LPAR3: variants seen among roughly 807,000 people sequenced by gnomAD.
LPAR3 encodes LPA receptor 3.
LPAR3 carries 7 observed loss-of-function variants against 17.8 expected under a neutral mutation model. That is an observed-to-expected ratio of 0.39 (90% CI 0.22 to 0.74). The LOEUF is 0.74. LPAR3 is among the 30% of genes least tolerant of loss of function. LPAR3 has a pLI of 0.40. For synonymous variants in LPAR3, 179 were observed against 179.9 expected (o/e 0.99, Z 0.04); for missense variants, 391 against 453.4 (o/e 0.86, Z 1.25).
intron 1 of LPAR3, 125 bp from the exon 2 acceptor site, chr1:84,866,263 G>A (rs952462298): frequency 2.9e-6 from 2 of 690,458 alleles, no homozygotes; most frequent in East Asian, 2.6e-5. Flanking sequence ...GAAGTGTCAG[G>A]TCTCAGTGCA....
At chr1:84,861,096 T>C (rs1382489211) in intron 2 of LPAR3, among the ~76,000 whole-genome samples, 1 of 152,202 alleles carries the variant, frequency 6.6e-6, no homozygotes, top group African/African-American at 2.4e-5. Context: ...TAAATGGAAA[T>C]GTTTAGCATT....
At chr1:84,856,841 CATTTATAA>C (rs1016729658) in intron 2 of LPAR3, among the ~76,000 whole-genome samples, 2 of 152,288 alleles carry the variant, frequency 1.3e-5, no homozygotes, top group Admixed American at 1.3e-4. Context: ...GCCAGGGTCT[CATTTATAA>C]TGTTTTATTC....
chr1:84,833,334 C>T (rs1031649646), intron 2 of LPAR3, among the ~76,000 whole-genome samples: 1 of 152,036 alleles, frequency 6.6e-6, no homozygotes, highest in Non-Finnish European at 1.5e-5. Flanking sequence ...GCATTTTTAC[C>T]TAATGATATA....
At chr1:84,846,732 G>C (rs990182885) in intron 2 of LPAR3, among the ~76,000 whole-genome samples, 1 of 152,062 alleles carries the variant, frequency 6.6e-6, no homozygotes, top group African/African-American at 2.4e-5. Context: ...ATTTGTGTCA[G>C]AGCAAATAAG....
At chr1:84,848,478 A>G (rs1477688370) in intron 2 of LPAR3, among the ~76,000 whole-genome samples, 4 of 152,184 alleles carry the variant, frequency 2.6e-5, no homozygotes, top group African/African-American at 9.7e-5. Context: ...AGAATTGAGA[A>G]GCCAAAATAT....
chr1:84,831,402 G>C (rs1023491127), intron 2 of LPAR3, among the ~76,000 whole-genome samples: 5 of 152,148 alleles, frequency 3.3e-5, no homozygotes, highest in Non-Finnish European at 7.3e-5. Context: ...GCTGTAAGGA[G>C]CTATGATTGT....
intron 2 of LPAR3, among the ~76,000 whole-genome samples, chr1:84,818,343 C>T (rs1242498650): frequency 6.6e-6 from 1 of 152,072 alleles, no homozygotes; most frequent in African/African-American, 2.4e-5. Context: ...TGTTGGGTCA[C>T]AAGATTAATT....
At chr1:84,835,681 C>CA (rs1179779841) in intron 2 of LPAR3, among the ~76,000 whole-genome samples, 3 of 152,100 alleles carry the variant, frequency 2.0e-5, no homozygotes, top group Admixed American at 2.0e-4. Context: ...CTATTTTGCT[C>CA]AAAAAATATA....
chr1:84,892,694 G>C (rs548063764), intron 1 of LPAR3, among the ~76,000 whole-genome samples: 1 of 152,250 alleles, frequency 6.6e-6, no homozygotes, highest in African/African-American at 2.4e-5. Flanking sequence ...AAAGGCAGAC[G>C]CAACCCGTGC....
At chr1:84,886,017 C>G (rs945393871) in intron 1 of LPAR3, among the ~76,000 whole-genome samples, 1 of 152,138 alleles carries the variant, frequency 6.6e-6, no homozygotes, top group African/African-American at 2.4e-5. Flanking sequence ...CATATATTTC[C>G]TAGCTCTGTC....
intron 2 of LPAR3, among the ~76,000 whole-genome samples, chr1:84,857,572 C>T (rs1290532409): frequency 6.6e-6 from 1 of 152,170 alleles, no homozygotes; most frequent in Non-Finnish European, 1.5e-5. Context: ...TCATAGCTGT[C>T]ACTAGCATGC....
At chr1:84,851,267 T>C (rs2102759019) in intron 2 of LPAR3, among the ~76,000 whole-genome samples, 1 of 152,338 alleles carries the variant, frequency 6.6e-6, no homozygotes, top group South Asian at 2.1e-4. Flanking sequence ...TTCAAAGTGC[T>C]TCATAAATGT....
At chr1:84,840,882 T>G (rs886292173) in intron 2 of LPAR3, among the ~76,000 whole-genome samples, 1 of 152,232 alleles carries the variant, frequency 6.6e-6, no homozygotes, top group Non-Finnish European at 1.5e-5. Context: ...AGTCTTTTGC[T>G]CAAAGATTAC....
chr1:84,831,207 GTAGAACTGGTCTGTCTT>G (rs1659276866), intron 2 of LPAR3, among the ~76,000 whole-genome samples: 1 of 152,116 alleles, frequency 6.6e-6, no homozygotes, highest in Admixed American at 6.5e-5. Flanking sequence ...CCTGCAAGGA[GTAGAACTGGTCTGTCTT>G]TGGTTTTTTG....
chr1:84,834,602 T>G (rs1486173757), intron 2 of LPAR3, among the ~76,000 whole-genome samples: 1 of 152,216 alleles, frequency 6.6e-6, no homozygotes, highest in East Asian at 1.9e-4. Context: ...TGCTTTCCTT[T>G]TCTTTGTATG....
At chr1:84,891,171 A>AAAAAG (rs34673842) in intron 1 of LPAR3, among the ~76,000 whole-genome samples, 1 of 151,914 alleles carries the variant, frequency 6.6e-6, no homozygotes, top group Non-Finnish European at 1.5e-5. Context: ...AAAAAAAAAA[A>AAAAAG]GAGTGGTAGT....
intron 1 of LPAR3, among the ~76,000 whole-genome samples, chr1:84,871,200 G>A (rs998354866): frequency 3.3e-5 from 5 of 152,038 alleles, no homozygotes; most frequent in South Asian, 2.1e-4. Flanking sequence ...CTAAACTTTG[G>A]AGCAATTACC....
intron 1 of LPAR3, among the ~76,000 whole-genome samples, chr1:84,880,199 A>C (rs1259173730): frequency 6.6e-6 from 1 of 152,142 alleles, no homozygotes; most frequent in African/African-American, 2.4e-5. Flanking sequence ...GCGTGGTGGC[A>C]CATGCCTGTA....
intron 2 of LPAR3, among the ~76,000 whole-genome samples, chr1:84,832,662 G>A (rs1025593239): frequency 2.6e-5 from 4 of 152,130 alleles, no homozygotes; most frequent in Non-Finnish European, 5.9e-5. Flanking sequence ...TCGAGATCAG[G>A]CACCATCCCT....
Sources: allele counts gnomAD v4.1 joint callset (sites outside exome capture counted in the v4.1 genomes callset), GRCh38; gene constraint gnomAD v4.1.1; transcripts MANE v1.5; gene names NCBI Gene and HGNC (gene_info 2026-07-23, HGNC 2026-07-21).